Variants in ARK2C observed in about 807,000 individuals in gnomAD.
ARK2C encodes the protein arkadia (RNF111) C-terminal like ring finger ubiquitin ligase 2C.
At chr18:46,373,449 C>A in the ARK2C span, among the ~76,000 whole-genome samples, 1 of 152,234 alleles carries the variant, frequency 6.6e-6, no homozygotes, top group African/African-American at 2.4e-5. Context: ...CAGTGCCCCA[C>A]AGTATCCTGC....
the ARK2C span, among the ~76,000 whole-genome samples, chr18:46,428,994 C>T: frequency 6.6e-6 from 1 of 152,128 alleles, no homozygotes; most frequent in South Asian, 2.1e-4. Flanking sequence ...CCTTTTCTTG[C>T]CCTCCTTCCC....
the ARK2C span, among the ~76,000 whole-genome samples, chr18:46,396,367 A>T: frequency 2.0e-5 from 3 of 152,070 alleles, no homozygotes; most frequent in Admixed American, 2.0e-4. Context: ...CCCATCAGTG[A>T]GAGAGAGAAG....
the ARK2C span, among the ~76,000 whole-genome samples, chr18:46,446,003 T>C: frequency 6.6e-6 from 1 of 152,324 alleles, no homozygotes; most frequent in South Asian, 2.1e-4. Context: ...GTGTTGTCAC[T>C]TAAGATGTTC....
chr18:46,372,477 T>C, the ARK2C span, among the ~76,000 whole-genome samples: 1 of 152,328 alleles, frequency 6.6e-6, no homozygotes, highest in East Asian at 1.9e-4. Context: ...ATCATTGTCA[T>C]CTCAATGAAC....
the ARK2C span, among the ~76,000 whole-genome samples, chr18:46,426,762 T>C: frequency 1.3e-5 from 2 of 152,260 alleles, no homozygotes; most frequent in East Asian, 3.8e-4. Flanking sequence ...CTAAAAATAT[T>C]ATTTAGCTCA....
At chr18:46,456,783 C>T in the ARK2C span, 2 of 669,656 alleles carry the variant, frequency 3.0e-6, no homozygotes, top group African/African-American at 3.6e-5. Flanking sequence ...TTGGTGGTAT[C>T]GGTGTCGAGG....
chr18:46,353,742 A>G, the ARK2C span, among the ~76,000 whole-genome samples: 1 of 152,210 alleles, frequency 6.6e-6, no homozygotes, highest in East Asian at 1.9e-4. Flanking sequence ...GCTGCCTCGG[A>G]TCCTTGATCT....
At chr18:46,442,748 G>A in the ARK2C span, among the ~76,000 whole-genome samples, 332 of 152,090 alleles carry the variant, frequency 2.2e-3, 2 homozygotes, top group Middle Eastern at 0.01. Context: ...ATAAAGGAGG[G>A]TGGATGTCTA....
the ARK2C span, among the ~76,000 whole-genome samples, chr18:46,364,437 A>G: frequency 6.6e-6 from 1 of 151,518 alleles, no homozygotes; most frequent in African/African-American, 2.4e-5. Flanking sequence ...GTCGTAGAAC[A>G]CGCATTCTAA....
chr18:46,424,414 A>G, the ARK2C span, among the ~76,000 whole-genome samples: 1 of 152,204 alleles, frequency 6.6e-6, no homozygotes, highest in Admixed American at 6.5e-5. Context: ...AGGAAAGTTA[A>G]CGTGGCAGCC....
chr18:46,376,664 C>CTTTTTTTTTTT, the ARK2C span, among the ~76,000 whole-genome samples: 3 of 72,262 alleles, frequency 4.2e-5, no homozygotes, highest in Non-Finnish European at 4.7e-5. Context: ...GGTTAATAAT[C>CTTTTTTTTTTT]TTTTTTTTTT....
the ARK2C span, among the ~76,000 whole-genome samples, chr18:46,405,041 C>A: frequency 2.6e-5 from 4 of 152,132 alleles, no homozygotes; most frequent in South Asian, 2.1e-4. Flanking sequence ...TATGGCAAGA[C>A]CCCACCAATT....
the ARK2C span, among the ~76,000 whole-genome samples, chr18:46,446,270 T>C: frequency 6.6e-6 from 1 of 152,214 alleles, no homozygotes; most frequent in African/African-American, 2.4e-5. Context: ...TATTCATTTA[T>C]TAGCTGAAAA....
chr18:46,347,083 G>T, the ARK2C span, among the ~76,000 whole-genome samples: 1 of 152,152 alleles, frequency 6.6e-6, no homozygotes, highest in Admixed American at 6.5e-5. Flanking sequence ...ACTGAGGCCT[G>T]GAGAAAATCA....
the ARK2C span, among the ~76,000 whole-genome samples, chr18:46,449,868 GT>G: frequency 6.6e-6 from 1 of 152,112 alleles, no homozygotes; most frequent in African/African-American, 2.4e-5. Context: ...AAACCAAAAG[GT>G]GAAGGGAATG....
chr18:46,450,617 A>C, the ARK2C span: 1 of 1,069,406 alleles, frequency 9.4e-7, no homozygotes, highest in Non-Finnish European at 1.4e-6. Flanking sequence ...CTTCCTGCTC[A>C]TGTCTTCCAG....
the ARK2C span, chr18:46,447,723 C>T: frequency 6.2e-7 from 1 of 1,613,950 alleles, no homozygotes; most frequent in Non-Finnish European, 8.5e-7. Context: ...TCCCTTGCGC[C>T]TATTGAGTGC....
the ARK2C span, among the ~76,000 whole-genome samples, chr18:46,355,539 C>T: frequency 6.6e-6 from 1 of 152,214 alleles, no homozygotes; most frequent in Admixed American, 6.5e-5. Context: ...AATGTTCCTT[C>T]CCTCCCCAAA....
At chr18:46,389,708 C>G in the ARK2C span, among the ~76,000 whole-genome samples, 1 of 152,074 alleles carries the variant, frequency 6.6e-6, no homozygotes, top group South Asian at 2.1e-4. Flanking sequence ...GCAGCTCTCT[C>G]CAGGAAGTGA....
Sources: allele counts gnomAD v4.1 joint callset (sites outside exome capture counted in the v4.1 genomes callset), GRCh38; gene constraint gnomAD v4.1.1; transcripts MANE v1.5; gene names NCBI Gene and HGNC (gene_info 2026-07-23, HGNC 2026-07-21).